Variants in ARHGAP31 observed in about 807,000 individuals in gnomAD.
ARHGAP31 encodes Rho GTPase activating protein 31.
A neutral mutation model predicts 113.9 loss-of-function variants in ARHGAP31; 34 were observed. The observed-to-expected ratio is 0.30, with a 90% confidence interval of 0.23 to 0.40. ARHGAP31 has a LOEUF of 0.40. ARHGAP31 is among the 10% of genes least tolerant of loss of function. The pLI is 1.00. For missense variants in ARHGAP31, 1,548 were observed against 1,767.1 expected (o/e 0.88, Z 2.22); for synonymous variants, 650 against 684.8 (o/e 0.95, Z 0.79).
chr3:119,309,345 G>A (rs771286787), intron 1 of ARHGAP31, among the ~76,000 whole-genome samples: 1 of 152,220 alleles, frequency 6.6e-6, no homozygotes, highest in Non-Finnish European at 1.5e-5. Context: ...GCTGACTGCT[G>A]AGGAAGCCAC....
chr3:119,324,775 C>T (rs903745674), intron 1 of ARHGAP31: 5 of 360,180 alleles, frequency 1.4e-5, no homozygotes, highest in Non-Finnish European at 2.8e-5. Context: ...GAAGGCAGCA[C>T]AGTTGTATCT....
rs761908832 is a variant in ARHGAP31 at position 119,409,786 on chromosome 3, A to G, written c.1926+10A>G. On this transcript the variant is annotated intron_variant, in intron 11 of 11. Transcript: ENST00000264245. ...GCTTCTCCATGAGATGGTAAAGTGCATTCTCCACCTGCTCCAGCCAGGTGG... is the reference window on the plus strand; with the variant it reads ...GCTTCTCCATGAGATGGTAAAGTGCGTTCTCCACCTGCTCCAGCCAGGTGG... The G allele has an allele frequency of 5.0e-6, 8 of 1,593,042 alleles. No homozygotes were observed. Among genetic ancestry groups the G allele is most frequent in the Non-Finnish European group, 6.8e-6 (8 of 1,170,242 alleles).
Position 119,294,756 on chromosome 3 carries a change from G to T in ARHGAP31, c.-149G>T. 2 of 752,962 alleles carry T rather than the reference G, an allele frequency of 2.7e-6. No individual in the cohort carries two copies. Among genetic ancestry groups the T allele is most frequent in the Non-Finnish European group, 2.3e-6 (1 of 437,378 alleles). 46.6% of individuals were successfully genotyped at this position (752,962 alleles called of 1,614,324 possible). On this transcript the variant is annotated 5_prime_UTR_variant, in exon 1 of 12. Transcript: ENST00000264245. ...GGCCCGCGGCCCGCGGGGTCCATGC[G>T]CAGGGCCCCCAGCCCAAGTTCTTCC...
At chr3:119,321,597 C>T (rs887109049) in intron 1 of ARHGAP31, among the ~76,000 whole-genome samples, 2 of 150,866 alleles carry the variant, frequency 1.3e-5, no homozygotes, top group African/African-American at 2.4e-5. Context: ...TTCTTATAAC[C>T]GAAGTCTTTA....
At chr3:119,368,149 A>T (rs1486869759) in intron 2 of ARHGAP31, among the ~76,000 whole-genome samples, 1 of 152,330 alleles carries the variant, frequency 6.6e-6, no homozygotes, top group East Asian at 1.9e-4. Context: ...AATGAGCATT[A>T]TGTCCTTCTA....
At chr3:119,350,308 G>T (rs1158310605) in intron 1 of ARHGAP31, among the ~76,000 whole-genome samples, 2 of 152,130 alleles carry the variant, frequency 1.3e-5, no homozygotes, top group Non-Finnish European at 2.9e-5. Flanking sequence ...CGGGAATATT[G>T]GGCAGGAAAT....
chr3:119,402,727 A>G, intron 10 of ARHGAP31, among the ~76,000 whole-genome samples: 1 of 152,224 alleles, frequency 6.6e-6, no homozygotes, highest in Non-Finnish European at 1.5e-5. Flanking sequence ...AATATTACCT[A>G]TTATTATTTT....
In ARHGAP31 at chr3:119,380,991, G is replaced by A. The variant is rs1225194835; in HGVS notation, c.431+5G>A. The A allele has an allele frequency of 6.2e-7, 1 of 1,613,410 alleles. No individual in the cohort carries two copies. The highest frequency in any genetic ancestry group is 1.7e-5 in the Admixed American group (1 of 60,004). Reference sequence around the variant, plus strand: ...GCTTCCTCCATCCCACTATAGGTAAGAATGGTTGGGAAAAGAAACGTGTGG... The same window carrying A: ...GCTTCCTCCATCCCACTATAGGTAAAAATGGTTGGGAAAAGAAACGTGTGG... On this transcript the variant is annotated splice_donor_5th_base_variant and intron_variant, in intron 4 of 11. Transcript: ENST00000264245.
At chr3:119,303,813 G>C (rs1450706400) in intron 1 of ARHGAP31, among the ~76,000 whole-genome samples, 2 of 151,052 alleles carry the variant, frequency 1.3e-5, no homozygotes, top group Non-Finnish European at 2.9e-5. Context: ...TGTTGTTGTT[G>C]AGATGGGGTC....
chr3:119,382,332 T>A lies in ARHGAP31; in HGVS notation c.472T>A (p.Ser158Thr), dbSNP rs1490333740. ...YLIRHLAHIA[S>T]FSSKTNMHAR... Reference sequence around the variant, plus strand: ...GATTCGACACCTGGCCCATATCGCCTCCTTCAGCAGCAAGACCAACATGCA... The same window carrying A: ...GATTCGACACCTGGCCCATATCGCCACCTTCAGCAGCAAGACCAACATGCA... Residue 158 changes from serine (S) to threonine (T), a missense_variant, in exon 5 of 12, where the codon TCC becomes ACC. Coordinates refer to ENST00000264245, the MANE Select transcript of ARHGAP31 (RefSeq NM_020754.4). 1.2e-6 allele frequency: 2 copies of A among 1,614,010 alleles called. No individual in the cohort carries two copies. Among genetic ancestry groups the A allele is most frequent in the Non-Finnish European group, 1.7e-6 (2 of 1,180,020 alleles).
intron 1 of ARHGAP31, among the ~76,000 whole-genome samples, chr3:119,335,579 A>C (rs184263601): frequency 6.6e-6 from 1 of 152,296 alleles, no homozygotes; most frequent in East Asian, 1.9e-4. Context: ...ATTGGGGAGG[A>C]GAACACAGGC....
At chr3:119,368,309 G>A in intron 2 of ARHGAP31, 63 bp from the exon 3 acceptor site, 2 of 1,598,872 alleles carry the variant, frequency 1.3e-6, no homozygotes, top group Non-Finnish European at 8.6e-7. Context: ...AAGCAGCCAA[G>A]CAGCTGCTGA....
chr3:119,402,244 G>C lies in ARHGAP31; in HGVS notation c.1492G>C (p.Val498Leu). Reference protein sequence around the residue: ...EPFAVSVPLRVSAVISTNSTP... With the variant: ...EPFAVSVPLRLSAVISTNSTP... The stretch of plus-strand genomic sequence containing the variant: ...CTTTGCGGTATCTGTGCCGCTCCGC[G>C]TGTCCGCAGTCATCAGCACCAACAG... Residue 498 changes from valine to leucine, a missense_variant, in exon 10 of 12, where the codon GTG becomes CTG. Physicochemically the swap from Val to Leu is conservative, Grantham distance 32. Transcript: ENST00000264245. 6.2e-7 allele frequency: 1 copy of C among 1,614,242 alleles called. No individual in the cohort carries two copies. The highest frequency in any genetic ancestry group is 1.6e-4 in the Middle Eastern group (1 of 6,062).
At chr3:119,320,027 A>G (rs1391672952) in intron 1 of ARHGAP31, among the ~76,000 whole-genome samples, 2 of 152,206 alleles carry the variant, frequency 1.3e-5, no homozygotes, top group African/African-American at 4.8e-5. Context: ...GGCTTGGTAA[A>G]TTCTACATCT....
intron 1 of ARHGAP31, among the ~76,000 whole-genome samples, chr3:119,302,248 T>C (rs2079590769): frequency 6.6e-6 from 1 of 152,040 alleles, no homozygotes; most frequent in Non-Finnish European, 1.5e-5. Flanking sequence ...ACTTCAGGAG[T>C]CTAGATAGCA....
intron 3 of ARHGAP31, among the ~76,000 whole-genome samples, chr3:119,376,479 A>ACT (rs2080349957): frequency 1.3e-5 from 2 of 152,298 alleles, no homozygotes; most frequent in Non-Finnish European, 2.9e-5. Context: ...TGCTCCATAC[A>ACT]GGCCACACTG....
rs1446946507 is a variant in ARHGAP31 at position 119,419,817 on chromosome 3, T to G, written c.*3553T>G. ...TTGCTTGATTTAGAAAACTGGAAAG[T>G]GGCAACTAGGCTAGAATAGTGGCAA... On this transcript the variant is annotated 3_prime_UTR_variant, in exon 12 of 12. Coordinates refer to ENST00000264245, the MANE Select transcript of ARHGAP31 (RefSeq NM_020754.4). The G allele has an allele frequency of 2.6e-5, 4 of 152,188 alleles. No homozygotes were observed. The highest frequency in any genetic ancestry group is 4.4e-5 in the Non-Finnish European group (3 of 68,030). 9.4% of individuals were successfully genotyped at this position (152,188 alleles called of 1,614,324 possible).
At chr3:119,317,996 G>T (rs9861688) in intron 1 of ARHGAP31, among the ~76,000 whole-genome samples, 60,244 of 151,568 alleles carry the variant, frequency 0.4, 12,157 homozygotes, top group Non-Finnish European at 0.41. Context: ...CTGTCAGTTT[G>T]TTCACGGTTT....
In ARHGAP31 at chr3:119,415,458, A is replaced by T; in HGVS notation, c.3529A>T (p.Asn1177Tyr). 6.2e-7 allele frequency: 1 copy of T among 1,614,096 alleles called. No homozygotes were observed. The highest frequency in any genetic ancestry group is 8.5e-7 in the Non-Finnish European group (1 of 1,180,032). ...IVAHALTGRR[N>Y]SAPVSVSAVR... is the part of the protein sequence containing the mutation. ...TGCTCATGCACTGACAGGCCGCCGT[A>T]ACTCAGCTCCTGTGAGTGTGTCAGC... Residue 1177 changes from asparagine (N) to tyrosine (Y), a missense_variant, in exon 12 of 12, where the codon AAC becomes TAC. Asn to Tyr is a moderately radical substitution (Grantham distance 143). Transcript: ENST00000264245.
Sources: gnomAD v4.1 joint callset for allele counts (sites outside exome capture counted in the v4.1 genomes callset) on GRCh38, gnomAD v4.1.1 for gene constraint, MANE v1.5 for transcripts, NCBI Gene and HGNC (gene_info 2026-07-23, HGNC 2026-07-21) for gene names.